MYH11: variants seen among roughly 807,000 people sequenced by gnomAD.
The protein encoded by MYH11 is myosin heavy chain 11, also known as myosin-11.
In MYH11, 80 loss-of-function variants were observed where a neutral mutation model predicts 246.6. That is an observed-to-expected ratio of 0.32 (90% CI 0.27 to 0.39). MYH11 has a LOEUF of 0.39. MYH11 is among the 10% of genes least tolerant of loss of function. The pLI, the probability that MYH11 is intolerant of heterozygous loss-of-function variation, is 1.00. For synonymous variants in MYH11, 1,071 were observed against 1,015.5 expected, an observed-to-expected ratio of 1.05 and a Z score of -1.04; for missense variants, 2,158 against 2,546.8, an observed-to-expected ratio of 0.85 and a Z score of 3.29.
chr16:15,794,383 G>A (rs1358778752), intron 4 of MYH11, among the ~76,000 whole-genome samples: 4 of 152,224 alleles, frequency 2.6e-5, no homozygotes, highest in Admixed American at 6.5e-5. Context: ...TTCACAACAA[G>A]CAAAATAAAA....
At chr16:15,838,652 G>A (rs1182668877) in intron 1 of MYH11, among the ~76,000 whole-genome samples, 3 of 152,110 alleles carry the variant, frequency 2.0e-5, no homozygotes, top group African/African-American at 7.2e-5. Flanking sequence ...TTGAGGCCAG[G>A]AGTTCAAGAC....
In MYH11 at chr16:15,714,950, C is replaced by G. The variant is rs779383281; in HGVS notation, c.5745G>C (p.Glu1915Asp). The part of the protein sequence containing the change: ...RELDEATESN[E>D]AMGREVNALK... ...GTGCGTTCACCTCGCGGCCCATGGC[C>G]TCGTTGCTCTCCGTGGCCTCATCCA... Residue 1915 changes from glutamate to aspartate, a missense_variant, in exon 40 of 41, where the codon GAG (glutamate) becomes GAC (aspartate). Glu to Asp is a conservative substitution (Grantham distance 45, BLOSUM62 2). Around this residue, in one of 11 missense-constraint regions of MYH11, gnomAD observed 1,013 missense variants for 993.5 expected, o/e 1.02. Transcript: ENST00000300036. The G allele has an allele frequency of 6.2e-7, 1 of 1,614,126 alleles. No homozygotes were observed. The highest frequency in any genetic ancestry group is 1.1e-5 in the South Asian group (1 of 91,084).
chr16:15,843,461 C>T (rs760002121), intron 1 of MYH11, among the ~76,000 whole-genome samples: 34 of 150,654 alleles, frequency 2.3e-4, no homozygotes, highest in Non-Finnish European at 4.3e-4. Flanking sequence ...GAGGCTGAGG[C>T]GGGCAGATCA....
chr16:15,852,134 T>C (rs1259446877), intron 1 of MYH11, among the ~76,000 whole-genome samples: 1 of 152,000 alleles, frequency 6.6e-6, no homozygotes, highest in Admixed American at 6.6e-5. Flanking sequence ...TATTGCCAAC[T>C]CCACCTGCAA....
intron 15 of MYH11, among the ~76,000 whole-genome samples, chr16:15,751,599 G>A (rs1233075999): frequency 6.8e-6 from 1 of 147,544 alleles, no homozygotes; most frequent in Non-Finnish European, 1.5e-5. Context: ...CTCAGATTCT[G>A]TGTAACAATC....
chr16:15,708,897 G>A (rs978586972), intron 40 of MYH11: 2 of 1,507,520 alleles, frequency 1.3e-6, no homozygotes, highest in African/African-American at 1.4e-5. Flanking sequence ...AAGGAGCCCG[G>A]TTAAGTATAT....
At chr16:15,752,942 C>T (rs1299297772) in intron 15 of MYH11, among the ~76,000 whole-genome samples, 2 of 152,118 alleles carry the variant, frequency 1.3e-5, no homozygotes, top group Non-Finnish European at 2.9e-5. Context: ...CATCACTGGT[C>T]TAATTTAACC....
chr16:15,843,432 T>C (rs948932612), intron 1 of MYH11, among the ~76,000 whole-genome samples: 1 of 151,224 alleles, frequency 6.6e-6, no homozygotes, highest in African/African-American at 2.4e-5. Context: ...GGCTCACACC[T>C]GTAATCCCAG....
chr16:15,794,625 T>G (rs1432136074), intron 4 of MYH11, among the ~76,000 whole-genome samples: 1 of 152,226 alleles, frequency 6.6e-6, no homozygotes. Context: ...GGAGATATCA[T>G]TGCTACATCT....
intron 2 of MYH11, among the ~76,000 whole-genome samples, chr16:15,835,390 G>A (rs1456338534): frequency 6.6e-6 from 1 of 152,196 alleles, no homozygotes; most frequent in East Asian, 1.9e-4. Context: ...CGCATCTCTG[G>A]TTAAGGACTA....
intron 3 of MYH11, among the ~76,000 whole-genome samples, chr16:15,815,774 G>A (rs919278307): frequency 2.6e-5 from 4 of 152,000 alleles, no homozygotes; most frequent in Non-Finnish European, 5.9e-5. Context: ...TAGAGAAGGA[G>A]GAAAAACAAA....
chr16:15,705,616 T>C (rs968110698), intron 40 of MYH11, among the ~76,000 whole-genome samples: 7 of 152,124 alleles, frequency 4.6e-5, no homozygotes, highest in African/African-American at 1.7e-4. Context: ...GAGCAGACTT[T>C]TGCTCCCCAC....
In MYH11 at chr16:15,703,911, T is replaced by C. The variant is rs1245457654; in HGVS notation, c.*80A>G. ...CAGTCTGCTGGGTTTTGCTTTGTTC[T>C]GGGTTGTTGTTGGGTTTTTTTTGTT... On this transcript the variant is annotated 3_prime_UTR_variant, in exon 41 of 41. Transcript: ENST00000300036. 2.5e-6 allele frequency: 4 copies of C among 1,594,564 alleles called. No homozygotes were observed. The South Asian group carries it at 4.4e-5, about 18-fold the overall frequency.
chr16:15,780,387 A>G lies in MYH11; in HGVS notation c.727-1544T>C, dbSNP rs921257856. 3.3e-5 allele frequency among the ~76,000 whole-genome samples: 5 copies of G among 150,676 alleles called. No homozygotes were observed. In the South Asian group the frequency reaches 6.3e-4, roughly 19 times the overall value. On this transcript the variant is annotated intron_variant, in intron 6 of 40. Transcript: ENST00000300036. Reference sequence around the variant, plus strand: ...GTCTATATCCCTTATGACTCTTCCAATGTCTCACCTGCCACTCATGGAGGT... The same window carrying G: ...GTCTATATCCCTTATGACTCTTCCAGTGTCTCACCTGCCACTCATGGAGGT...
At chr16:15,709,856 G>A (rs550862473) in intron 40 of MYH11, among the ~76,000 whole-genome samples, 47 of 152,280 alleles carry the variant, frequency 3.1e-4, no homozygotes, top group African/African-American at 9.6e-4. Flanking sequence ...GAGGAGAGGT[G>A]GAGGCCTTGT....
chr16:15,784,797 G>A, intron 5 of MYH11: 1 of 1,543,664 alleles, frequency 6.5e-7, no homozygotes, highest in Non-Finnish European at 8.9e-7. Context: ...GAGAATATAT[G>A]ACTTTGATCC....
intron 9 of MYH11, among the ~76,000 whole-genome samples, chr16:15,769,778 T>C (rs541639933): frequency 6.6e-6 from 1 of 152,334 alleles, no homozygotes; most frequent in South Asian, 2.1e-4. Context: ...GACAATGATT[T>C]AATAAACCCT....
chr16:15,724,053 G>A, intron 31 of MYH11, 108 bp downstream of exon 31: 1 of 1,572,974 alleles, frequency 6.4e-7, no homozygotes, highest in African/African-American at 1.3e-5. Context: ...TCCCCACAGA[G>A]TGGAGAGGGG....
At chr16:15,735,604 GA>G (rs1174980068) in intron 25 of MYH11, 26 bp from the exon 26 acceptor site, 1 of 1,612,692 alleles carries the variant, frequency 6.2e-7, no homozygotes, top group Non-Finnish European at 8.5e-7. Flanking sequence ...CCAGCAGAAT[GA>G]ACCCCCAGGT....
Sources: gnomAD v4.1 joint callset for allele counts (sites outside exome capture counted in the v4.1 genomes callset) on GRCh38, gnomAD v4.1.1 for gene constraint, gnomAD v4.1.1 regional missense constraint, MANE v1.5 for transcripts, NCBI Gene and HGNC (gene_info 2026-07-23, HGNC 2026-07-21) for gene names.